GMDS: variants seen among roughly 807,000 people sequenced by gnomAD.
The protein encoded by GMDS is GDP-mannose 4,6 dehydratase.
A neutral mutation model predicts 49.9 loss-of-function variants in GMDS; 20 were observed. That is an observed-to-expected ratio of 0.40 (90% CI 0.28 to 0.58). The LOEUF (loss-of-function observed/expected upper bound fraction) is 0.58, where lower values mean the gene tolerates loss of function less well. Ranked by LOEUF, GMDS falls within the 20% of genes least tolerant of loss-of-function variation. The probability of loss-of-function intolerance (pLI) is 0.42; values close to 1 mark genes in which losing one functional copy is unlikely to be tolerated. For missense variants in GMDS, 362 were observed against 481.4 expected (o/e 0.75, Z 2.32); for synonymous variants, 177 against 178.6 (o/e 0.99, Z 0.07).
chr6:2,167,570 T>C (rs767067561), intron 1 of GMDS, among the ~76,000 whole-genome samples: 1 of 152,164 alleles, frequency 6.6e-6, no homozygotes, highest in Non-Finnish European at 1.5e-5. Context: ...ACCTTAATTC[T>C]ACCAGAAGAC....
intron 6 of GMDS, among the ~76,000 whole-genome samples, chr6:1,949,444 A>C (rs1763236948): frequency 6.6e-6 from 1 of 152,254 alleles, no homozygotes; most frequent in African/African-American, 2.4e-5. Context: ...TAAATGTCAC[A>C]GACATTACAA....
At chr6:1,773,393 G>A (rs188933474) in intron 7 of GMDS, among the ~76,000 whole-genome samples, 2 of 152,302 alleles carry the variant, frequency 1.3e-5, no homozygotes, top group East Asian at 3.9e-4. Context: ...AGAATGTTTA[G>A]CGCTCAGCAA....
chr6:1,829,122 C>CTAGGCTTG (rs1771247612), intron 7 of GMDS, among the ~76,000 whole-genome samples: 2 of 152,232 alleles, frequency 1.3e-5, no homozygotes, highest in Middle Eastern at 3.4e-3. Flanking sequence ...TTCACATTGA[C>CTAGGCTTG]TAGGCTTGAG....
At chr6:2,230,059 C>CCA (rs1781011922) in intron 1 of GMDS, among the ~76,000 whole-genome samples, 1 of 151,466 alleles carries the variant, frequency 6.6e-6, no homozygotes, top group African/African-American at 2.4e-5. Context: ...CTGAAGACCC[C>CCA]TATCCAGAGT....
chr6:1,924,877 A>C lies in GMDS; in HGVS notation c.771+5226T>G, dbSNP rs534392803. Among the ~76,000 whole-genome samples, 11 of 152,306 alleles carry C rather than the reference A, an allele frequency of 7.2e-5. No individual in the cohort carries two copies. In the South Asian group the frequency reaches 2.3e-3, roughly 32 times the overall value. Reference sequence around the variant, plus strand: ...TAGAGGGGTCAGGTAAATACTTAAGATAAAAATATTTTAAAAGTTTGAACT... The same window carrying C: ...TAGAGGGGTCAGGTAAATACTTAAGCTAAAAATATTTTAAAAGTTTGAACT... On this transcript the variant is annotated intron_variant, in intron 7 of 10. Coordinates refer to ENST00000380815, the MANE Select transcript of GMDS (RefSeq NM_001500.4).
At chr6:1,627,068 G>C (rs1412254736) in intron 9 of GMDS, among the ~76,000 whole-genome samples, 5 of 152,230 alleles carry the variant, frequency 3.3e-5, no homozygotes. Flanking sequence ...GAAAAAGGAT[G>C]AGGTCCCCTC....
intron 1 of GMDS, among the ~76,000 whole-genome samples, chr6:2,153,382 A>C (rs1776942074): frequency 6.6e-6 from 1 of 152,192 alleles, no homozygotes; most frequent in African/African-American, 2.4e-5. Context: ...AGGGCCAAAA[A>C]ATACCAAATA....
At chr6:1,945,701 G>C (rs1270134371) in intron 6 of GMDS, among the ~76,000 whole-genome samples, 5 of 152,134 alleles carry the variant, frequency 3.3e-5, no homozygotes, top group African/African-American at 9.7e-5. Flanking sequence ...CTTAAGCCTA[G>C]GAGTTAGATT....
intron 4 of GMDS, among the ~76,000 whole-genome samples, chr6:2,058,624 A>C (rs1770921066): frequency 1.3e-5 from 2 of 152,208 alleles, no homozygotes; most frequent in African/African-American, 4.8e-5. Context: ...ATTCCTGGGA[A>C]GGGATGTGGA....
Position 1,742,485 on chromosome 6 carries a change from G to A in GMDS, c.873C>T (p.His291=), listed in dbSNP as rs368755377. ...VREFVEKSFL[H]IGKTIVWEGK... is the part of the protein sequence containing the mutation. ...ATACTTACACAATGGTTTTTCCAAT[G>A]TGCAAGAATGATTTCTCGACAAATT... The change falls in exon 8 of 11, where the codon CAC becomes CAT. Residue 291 remains histidine (H), a synonymous_variant. Coordinates refer to ENST00000380815, the MANE Select transcript of GMDS (RefSeq NM_001500.4). The A allele has an allele frequency of 6.3e-6, 10 of 1,596,654 alleles. No individual in the cohort carries two copies. In the African/African-American group the frequency reaches 9.4e-5, roughly 15 times the overall value.
intron 4 of GMDS, among the ~76,000 whole-genome samples, chr6:2,036,399 G>A (rs913257866): frequency 1.3e-5 from 2 of 151,928 alleles, no homozygotes; most frequent in East Asian, 3.9e-4. Context: ...TCATTAATAG[G>A]TTTGCTAACT....
intron 7 of GMDS, among the ~76,000 whole-genome samples, chr6:1,846,084 T>C (rs796976417): frequency 2.0e-4 from 30 of 146,914 alleles, no homozygotes; most frequent in South Asian, 1.3e-3. Context: ...ATGTTTCTTT[T>C]TTTTTTTTTT....
At chr6:1,830,682 T>C (rs535840212) in intron 7 of GMDS, among the ~76,000 whole-genome samples, 2 of 152,308 alleles carry the variant, frequency 1.3e-5, no homozygotes, top group South Asian at 4.2e-4. Context: ...TGTAAGCGAA[T>C]GATAAACTAT....
At chr6:2,237,813 C>T (rs986859148) in intron 1 of GMDS, among the ~76,000 whole-genome samples, 3 of 152,010 alleles carry the variant, frequency 2.0e-5, no homozygotes, top group Non-Finnish European at 2.9e-5. Flanking sequence ...TGAGCCACCT[C>T]GCCCCGCCTG....
chr6:2,168,427 G>A (rs1320933658), intron 1 of GMDS, among the ~76,000 whole-genome samples: 4 of 152,140 alleles, frequency 2.6e-5, no homozygotes, highest in Non-Finnish European at 5.9e-5. Flanking sequence ...ACAAAATGTG[G>A]GCCTCAGAAT....
chr6:1,949,231 C>T (rs943213481), intron 6 of GMDS, among the ~76,000 whole-genome samples: 5 of 152,232 alleles, frequency 3.3e-5, no homozygotes, highest in Non-Finnish European at 5.9e-5. Context: ...GCTGAAATGA[C>T]AGAGCTGCAC....
At chr6:1,754,337 A>G (rs1174689677) in intron 7 of GMDS, among the ~76,000 whole-genome samples, 1 of 152,376 alleles carries the variant, frequency 6.6e-6, no homozygotes. Context: ...TAAACCAGGA[A>G]GAAGTCAAAT....
At chr6:1,924,937 G>A (rs964412708) in intron 7 of GMDS, among the ~76,000 whole-genome samples, 6 of 142,134 alleles carry the variant, frequency 4.2e-5, no homozygotes, top group African/African-American at 1.5e-4. Flanking sequence ...CAGCCCGGGC[G>A]ACGGCGAGAC....
intron 1 of GMDS, among the ~76,000 whole-genome samples, chr6:2,229,444 C>T (rs1014141068): frequency 6.6e-5 from 10 of 150,816 alleles, no homozygotes; most frequent in Non-Finnish European, 8.8e-5. Context: ...AAATGAGTCA[C>T]GTGTGGTGGC....
Sources: gnomAD v4.1 joint callset for allele counts (sites outside exome capture counted in the v4.1 genomes callset) on GRCh38, gnomAD v4.1.1 for gene constraint, MANE v1.5 for transcripts, NCBI Gene and HGNC (gene_info 2026-07-23, HGNC 2026-07-21) for gene names.